CSMD1: variants seen among roughly 807,000 people sequenced by gnomAD.
The protein encoded by CSMD1 is CUB and sushi domain-containing protein 1.
In CSMD1, 213 loss-of-function variants were observed where a neutral mutation model predicts 417.5. The ratio of observed to expected loss-of-function variants is 0.51; its 90% CI spans 0.46 to 0.57. CSMD1 has a LOEUF of 0.57. Among genes scored for constraint, CSMD1 ranks in the 20% least tolerant of loss-of-function variants. CSMD1 has a pLI of 0.00. For synonymous variants in CSMD1, 2,862 were observed against 1,736.8 expected, an observed-to-expected ratio of 1.65 and a Z score of -16.11; for missense variants, 6,923 against 4,529.7, an observed-to-expected ratio of 1.53 and a Z score of -15.17.
chr8:4,802,978 C>A (rs935055256), intron 1 of CSMD1, among the ~76,000 whole-genome samples: 2 of 152,144 alleles, frequency 1.3e-5, no homozygotes, highest in Non-Finnish European at 2.9e-5. Flanking sequence ...TTTTCAGAAT[C>A]TTTATGTTAT....
At chr8:4,713,455 G>A (rs1808442998) in intron 1 of CSMD1, among the ~76,000 whole-genome samples, 1 of 152,112 alleles carries the variant, frequency 6.6e-6, no homozygotes, top group South Asian at 2.1e-4. Context: ...AGGCTGGAGT[G>A]CAGTGGCGCG....
chr8:4,826,172 G>T (rs1238008114), intron 1 of CSMD1, among the ~76,000 whole-genome samples: 2 of 151,972 alleles, frequency 1.3e-5, no homozygotes, highest in Non-Finnish European at 2.9e-5. Context: ...ATCTTGTAGA[G>T]ACATGAGTAC....
rs902582978 is a variant in CSMD1, at chr8:3,772,387, T to C, written c.819-18345A>G. On this transcript the variant is annotated intron_variant, in intron 5 of 69. Coordinates refer to ENST00000635120, the MANE Select transcript of CSMD1 (RefSeq NM_033225.6). The stretch of plus-strand genomic sequence containing the variant: ...TACATATATACATATATTCATATAT[T>C]TATATATACACATATATACATATAT... Among the ~76,000 whole-genome samples the C allele has an allele frequency of 2.8e-4, 31 of 109,148 alleles. 3 individuals are homozygous for C. The highest frequency in any genetic ancestry group is 5.8e-4 in the South Asian group (2 of 3,466). 71.6% of individuals were successfully genotyped at this position (109,148 alleles called of 152,430 possible).
At chr8:4,013,205 CT>C (rs1796362297) in intron 4 of CSMD1, among the ~76,000 whole-genome samples, 2 of 152,094 alleles carry the variant, frequency 1.3e-5, no homozygotes, top group Admixed American at 6.5e-5. Context: ...CTCCTATCCT[CT>C]GGGATCCTCC....
intron 5 of CSMD1, among the ~76,000 whole-genome samples, chr8:3,932,279 T>A (rs554391294): frequency 6.6e-6 from 1 of 150,684 alleles, no homozygotes; most frequent in Admixed American, 6.6e-5. Context: ...GGTTGAGAAT[T>A]CTCAAGAAGT....
intron 3 of CSMD1, among the ~76,000 whole-genome samples, chr8:4,218,371 G>A (rs1563291115): frequency 1.3e-5 from 2 of 152,058 alleles, no homozygotes; most frequent in Admixed American, 6.6e-5. Context: ...CATTTCTAAT[G>A]ATTTTCTTTA....
chr8:4,960,840 A>C (rs142691138), intron 1 of CSMD1, among the ~76,000 whole-genome samples: 1 of 152,170 alleles, frequency 6.6e-6, no homozygotes, highest in Non-Finnish European at 1.5e-5. Flanking sequence ...ATTCATTTAC[A>C]TCATAAGTTA....
At chr8:3,732,095 C>G (rs1176881016) in intron 6 of CSMD1, among the ~76,000 whole-genome samples, 1 of 152,084 alleles carries the variant, frequency 6.6e-6, no homozygotes, top group East Asian at 1.9e-4. Context: ...ATGGATGCCA[C>G]CAGGGAAAGG....
intron 10 of CSMD1, among the ~76,000 whole-genome samples, chr8:3,496,352 G>T (rs1300468342): frequency 6.6e-6 from 1 of 152,134 alleles, no homozygotes; most frequent in Non-Finnish European, 1.5e-5. Context: ...CTCCCTGTAA[G>T]GATTGAGGGC....
chr8:4,313,660 G>C (rs935218387), intron 3 of CSMD1, among the ~76,000 whole-genome samples: 7 of 152,062 alleles, frequency 4.6e-5, no homozygotes, highest in Admixed American at 3.3e-4. Flanking sequence ...ATTCACTTTA[G>C]AGAGGGAAAC....
At chr8:4,712,746 G>A (rs576092577) in intron 1 of CSMD1, among the ~76,000 whole-genome samples, 6 of 152,242 alleles carry the variant, frequency 3.9e-5, no homozygotes, top group Admixed American at 2.0e-4. Flanking sequence ...TATTAAAGGT[G>A]TTTTGTTTCC....
intron 3 of CSMD1, among the ~76,000 whole-genome samples, chr8:4,257,706 G>A (rs1003097758): frequency 6.6e-6 from 1 of 152,172 alleles, no homozygotes; most frequent in Non-Finnish European, 1.5e-5. Flanking sequence ...TAACGTCAGT[G>A]TCACTGGGTA....
intron 23 of CSMD1, among the ~76,000 whole-genome samples, chr8:3,325,779 G>T (rs1056637884): frequency 6.6e-6 from 1 of 152,130 alleles, no homozygotes; most frequent in Admixed American, 6.5e-5. Context: ...AGCCGAGACT[G>T]TACCACTGCA....
Position 4,330,589 on chromosome 8 carries a change from C to CA in CSMD1, c.415+89363dup, listed in dbSNP as rs34787742. On this transcript the variant is annotated intron_variant, in intron 3 of 69. Coordinates refer to ENST00000635120, the MANE Select transcript of CSMD1 (RefSeq NM_033225.6). ...TGGGCAACAGAGTGAAACCCTGTCT[C>CA]AAAAAAAAAAAAAGTATTTTGTAAT... Among the ~76,000 whole-genome samples the CA allele has an allele frequency of 4.9e-3, 703 of 143,610 alleles. 5 individuals carry two copies. The highest frequency in any genetic ancestry group is 0.022 in the East Asian group (107 of 4,876). 94.2% of individuals were successfully genotyped at this position (143,610 alleles called of 152,430 possible). A position where few individuals can be genotyped will look rare whatever the true frequency, so the allele number is the denominator to read the frequency against.
intron 3 of CSMD1, among the ~76,000 whole-genome samples, chr8:4,285,767 T>A (rs1034915848): frequency 6.6e-6 from 1 of 152,198 alleles, no homozygotes; most frequent in Non-Finnish European, 1.5e-5. Flanking sequence ...AATAGCTTTG[T>A]TAAGACATGC....
At chr8:3,503,617 C>T (rs1202119093) in intron 10 of CSMD1, among the ~76,000 whole-genome samples, 1 of 152,300 alleles carries the variant, frequency 6.6e-6, no homozygotes, top group East Asian at 1.9e-4. Flanking sequence ...TTAAATGGTA[C>T]ATAAATTACC....
chr8:3,312,906 A>C (rs1805461450), intron 23 of CSMD1, among the ~76,000 whole-genome samples: 1 of 152,216 alleles, frequency 6.6e-6, no homozygotes, highest in Non-Finnish European at 1.5e-5. Flanking sequence ...CCCTCTCTGC[A>C]AATTGCATGA....
intron 2 of CSMD1, among the ~76,000 whole-genome samples, chr8:4,537,177 T>A (rs1208813513): frequency 6.6e-6 from 1 of 152,206 alleles, no homozygotes; most frequent in Admixed American, 6.5e-5. Context: ...GTCATGAGAC[T>A]ACTATTTATA....
chr8:3,819,430 A>C (rs372983221), intron 5 of CSMD1, among the ~76,000 whole-genome samples: 1 of 152,130 alleles, frequency 6.6e-6, no homozygotes, highest in Non-Finnish European at 1.5e-5. Flanking sequence ...CAAGGTAAAG[A>C]AAGTTGGAAG....
Sources: allele counts gnomAD v4.1 joint callset (sites outside exome capture counted in the v4.1 genomes callset), GRCh38; gene constraint gnomAD v4.1.1; transcripts MANE v1.5; gene names NCBI Gene and HGNC (gene_info 2026-07-23, HGNC 2026-07-21).